Variants in LAMA3 observed in about 807,000 individuals in gnomAD.
LAMA3 encodes laminin subunit alpha 3.
A neutral mutation model predicts 402.0 loss-of-function variants in LAMA3; 281 were observed. That is an observed-to-expected ratio of 0.70 (90% CI 0.63 to 0.77). The LOEUF (loss-of-function observed/expected upper bound fraction) is 0.77, where lower values mean the gene tolerates loss of function less well. Ranked by LOEUF, LAMA3 falls within the 30% of genes least tolerant of loss-of-function variation. LAMA3 has a pLI of 0.00. For missense variants in LAMA3, 3,840 were observed against 4,215.5 expected (o/e 0.91, Z 2.47); for synonymous variants, 1,431 against 1,558.4 (o/e 0.92, Z 1.93).
chr18:23,704,486 A>G (rs142467143), intron 1 of LAMA3, among the ~76,000 whole-genome samples: 8 of 152,328 alleles, frequency 5.3e-5, no homozygotes, highest in African/African-American at 1.7e-4. Context: ...TTAAGTTTTG[A>G]ATACTTTGAT....
At chr18:23,876,194 T>C (rs570026884) in intron 38 of LAMA3, 100 bp from the exon 39 acceptor site, 1 of 811,602 alleles carries the variant, frequency 1.2e-6, no homozygotes, top group Non-Finnish European at 2.1e-6. Flanking sequence ...GTCTAAAAAA[T>C]AAAAATGATG....
At chr18:23,927,560 T>C (rs986322828) in intron 62 of LAMA3, among the ~76,000 whole-genome samples, 1 of 152,168 alleles carries the variant, frequency 6.6e-6, no homozygotes, top group Non-Finnish European at 1.5e-5. Flanking sequence ...TGTGTTCCAT[T>C]GTTTCAGCTT....
intron 67 of LAMA3, among the ~76,000 whole-genome samples, chr18:23,936,247 T>A (rs989145471): frequency 5.3e-5 from 8 of 151,500 alleles, no homozygotes; most frequent in African/African-American, 1.7e-4. Flanking sequence ...ATATATATAT[T>A]TTTTATTATA....
chr18:23,780,914 CTT>C (rs1174324392), intron 11 of LAMA3, among the ~76,000 whole-genome samples: 2 of 152,192 alleles, frequency 1.3e-5, no homozygotes, highest in African/African-American at 2.4e-5. Context: ...AAATATCACT[CTT>C]GACACCAGCA....
At chr18:23,880,647 G>A (rs912659018) in intron 39 of LAMA3, among the ~76,000 whole-genome samples, 1 of 152,220 alleles carries the variant, frequency 6.6e-6, no homozygotes, top group Non-Finnish European at 1.5e-5. Flanking sequence ...GGGAGGCCGA[G>A]GCGGGCGAAT....
chr18:23,890,517 T>TA (rs1293890620), intron 42 of LAMA3, among the ~76,000 whole-genome samples: 1 of 152,210 alleles, frequency 6.6e-6, no homozygotes, highest in Non-Finnish European at 1.5e-5. Context: ...CTCTTTATCT[T>TA]ACAGCAGTAC....
At chr18:23,794,380 G>C (rs539357891) in intron 12 of LAMA3, among the ~76,000 whole-genome samples, 2 of 152,298 alleles carry the variant, frequency 1.3e-5, no homozygotes, top group African/African-American at 4.8e-5. Flanking sequence ...GAAACTGTGG[G>C]CGAAAACCGC....
At chr18:23,781,836 C>G (rs1231256296) in intron 11 of LAMA3, among the ~76,000 whole-genome samples, 3 of 152,182 alleles carry the variant, frequency 2.0e-5, no homozygotes, top group South Asian at 4.1e-4. Flanking sequence ...TCTGCTGCTT[C>G]TAAAGTGCCT....
chr18:23,847,441 G>A (rs1303136173), intron 31 of LAMA3, 23 bp from the exon 32 acceptor site: 1 of 1,606,446 alleles, frequency 6.2e-7, no homozygotes, highest in Non-Finnish European at 8.5e-7. Context: ...CCCTCACATG[G>A]TATTTCTTTA....
intron 56 of LAMA3, 126 bp downstream of exon 56, chr18:23,913,007 C>T (rs1357494860): frequency 9.0e-6 from 8 of 887,044 alleles, no homozygotes; most frequent in Admixed American, 3.7e-5. Context: ...ACTGAGACAT[C>T]GACAAATCCC....
Position 23,949,868 on chromosome 18 carries a change from G to A in LAMA3, c.9455G>A (p.Gly3152Asp), listed in dbSNP as rs1469688142. 2 of 1,613,940 alleles carry A rather than the reference G, an allele frequency of 1.2e-6. No homozygotes were observed. Among genetic ancestry groups the A allele is most frequent in the African/African-American group, 2.7e-5 (2 of 74,866 alleles). ...AGCTTCGGGGTGTCTTCCTGCTTGGGTGGTCCTTTGGAGAAAGGCATTTAT... is the reference window on the plus strand; with the variant it reads ...AGCTTCGGGGTGTCTTCCTGCTTGGATGGTCCTTTGGAGAAAGGCATTTAT... ...SSSFGVSSCL[G>D]GPLEKGIYFS... The change falls in exon 71 of 75, where the codon GGT becomes GAT. Residue 3152 changes from glycine to aspartate, a missense_variant. Gly to Asp is a moderately conservative substitution (Grantham distance 94). Around this residue, in one of 3 missense-constraint regions of LAMA3, gnomAD observed 840 missense variants for 981.9 expected, o/e 0.86. Transcript: ENST00000313654.
chr18:23,766,422 T>C (rs767605417), intron 8 of LAMA3, among the ~76,000 whole-genome samples: 3 of 152,216 alleles, frequency 2.0e-5, no homozygotes, highest in Non-Finnish European at 4.4e-5. Flanking sequence ...AGACCTACAC[T>C]ACAAGATATG....
intron 2 of LAMA3, among the ~76,000 whole-genome samples, chr18:23,726,995 G>A (rs968956410): frequency 2.0e-5 from 3 of 152,160 alleles, no homozygotes; most frequent in Non-Finnish European, 2.9e-5. Flanking sequence ...TATTAGTCCC[G>A]TCAGATGCAG....
chr18:23,710,372 A>C lies in LAMA3; in HGVS notation c.295-3548A>C, dbSNP rs2060969469. On this transcript the variant is annotated intron_variant, in intron 1 of 74. Coordinates refer to ENST00000313654, the MANE Select transcript of LAMA3 (RefSeq NM_198129.4). ...AAGCCCCACGAGGTTATCTTCTCTC[A>C]AAACCTTGTTGCTTGGTGCCAAGGC... The C allele has an allele frequency of 9.3e-6, 3 of 322,088 alleles. No homozygotes were observed. In the South Asian group the frequency reaches 9.5e-5, roughly 10 times the overall value. 20.0% of individuals were successfully genotyped at this position (322,088 alleles called of 1,614,324 possible).
intron 1 of LAMA3, among the ~76,000 whole-genome samples, chr18:23,705,478 C>CACACAG (rs1167397780): frequency 6.6e-6 from 1 of 151,712 alleles, no homozygotes. Context: ...CACACACACA[C>CACACAG]ACAGACATAT....
At chr18:23,907,477 C>T in intron 52 of LAMA3, 73 bp from the exon 53 acceptor site, 1 of 1,085,058 alleles carries the variant, frequency 9.2e-7, no homozygotes. Context: ...CTGGCTACTT[C>T]AGGGGCCACA....
At chr18:23,842,364 A>T in intron 27 of LAMA3, 31 bp from the exon 28 acceptor site, 2 of 1,613,690 alleles carry the variant, frequency 1.2e-6, no homozygotes, top group Non-Finnish European at 1.7e-6. Context: ...GAGGGTTTTT[A>T]ATTTTTTTTC....
At chr18:23,953,227 C>T in intron 74 of LAMA3, 118 bp downstream of exon 74, 1 of 1,354,782 alleles carries the variant, frequency 7.4e-7, no homozygotes, top group Non-Finnish European at 1.0e-6. Context: ...GCCCTTTGCA[C>T]TGGCATGTGG....
rs1018047572 is a variant in LAMA3, at chr18:23,845,037, A to G, written c.3632A>G (p.Asn1211Ser). ...CGTGTTCTAGTGGTGCCTGCAGAAA[A>G]CTATGACTACCAAATACTTCACAAA... ...LVRVLVVPAE[N>S]YDYQILHKKS... Residue 1211 changes from asparagine to serine, a missense_variant, in exon 30 of 75, where the codon AAC becomes AGC. Around this residue, in one of 3 missense-constraint regions of LAMA3, gnomAD observed 2,109 missense variants for 2,376.0 expected, o/e 0.89. Coordinates refer to ENST00000313654, the MANE Select transcript of LAMA3 (RefSeq NM_198129.4). The G allele has an allele frequency of 6.2e-7, 1 of 1,611,296 alleles. No homozygotes were observed. Among genetic ancestry groups the G allele is most frequent in the Non-Finnish European group, 8.5e-7 (1 of 1,177,406 alleles).
Sources: allele counts gnomAD v4.1 joint callset (sites outside exome capture counted in the v4.1 genomes callset), GRCh38; gene constraint gnomAD v4.1.1; regional missense constraint gnomAD v4.1.1; transcripts MANE v1.5; gene names NCBI Gene and HGNC (gene_info 2026-07-23, HGNC 2026-07-21).